BCAR3: variants seen among roughly 807,000 people sequenced by gnomAD.
BCAR3 encodes the protein breast cancer anti-estrogen resistance protein 3.
A neutral mutation model predicts 80.1 loss-of-function variants in BCAR3; 37 were observed. That is an observed-to-expected ratio of 0.46 (90% CI 0.36 to 0.61). The LOEUF (loss-of-function observed/expected upper bound fraction) is 0.61. Ranked by LOEUF, BCAR3 falls within the 20% of genes least tolerant of loss-of-function variation. BCAR3 has a pLI of 0.00. For synonymous variants in BCAR3, 389 were observed against 418.9 expected, an observed-to-expected ratio of 0.93 and a Z score of 0.87; for missense variants, 978 against 1,068.2, an observed-to-expected ratio of 0.92 and a Z score of 1.18.
rs572438610 is a variant in BCAR3 at position 93,637,987 on chromosome 1, C to T, written c.357+4317G>A. ...GTGTGGGCTGGGGCGCGGTGGCTCA[C>T]GCCTGTAATCCCAGCACTTTGGGAG... On this transcript the variant is annotated intron_variant, in intron 3 of 11. Transcript: ENST00000260502. Among the ~76,000 whole-genome samples, 85 of 152,268 alleles carry T rather than the reference C, an allele frequency of 5.6e-4. 1 individual carries two copies. The highest frequency in any genetic ancestry group is 1.9e-3 in the African/African-American group (78 of 41,554).
intron 2 of BCAR3, among the ~76,000 whole-genome samples, chr1:93,661,235 C>A (rs1382742362): frequency 3.3e-5 from 5 of 152,086 alleles, no homozygotes; most frequent in Non-Finnish European, 5.9e-5. Context: ...GACGGGGTTT[C>A]TTCATGTTGG....
chr1:93,587,530 G>A, intron 5 of BCAR3, among the ~76,000 whole-genome samples: 1 of 152,160 alleles, frequency 6.6e-6, no homozygotes, highest in Middle Eastern at 3.2e-3. Context: ...TGTGGAGCCG[G>A]CATTTGTGCC....
intron 2 of BCAR3, among the ~76,000 whole-genome samples, chr1:93,789,864 ATGATCCAT>A (rs950973031): frequency 2.0e-5 from 3 of 152,226 alleles, no homozygotes; most frequent in Non-Finnish European, 1.5e-5. Context: ...TTTAGAGGCA[ATGATCCAT>A]TGCACAGTCA....
rs1394065204 is a variant in BCAR3, at chr1:93,674,949, G to T, written c.-11-8C>A. The T allele has an allele frequency of 6.6e-7, 1 of 1,517,136 alleles. No individual in the cohort carries two copies. The highest frequency in any genetic ancestry group is 8.8e-7 in the Non-Finnish European group (1 of 1,136,190). The allele number at this position is 1,517,136 out of a possible 1,614,324, so 94.0% of individuals were successfully genotyped here. A position where few individuals can be genotyped will look rare whatever the true frequency, so the allele number is the denominator to read the frequency against. ...CAGCCATAATTCTCAACTCTAAGGG[G>T]GAAAGAAAAGAGTGAAGGTATAAAT... On this transcript the variant is annotated splice_polypyrimidine_tract_variant and splice_region_variant and intron_variant, in intron 1 of 11. Transcript: ENST00000260502.
intron 2 of BCAR3, among the ~76,000 whole-genome samples, chr1:93,797,611 C>G (rs1653323525): frequency 6.6e-6 from 1 of 151,974 alleles, no homozygotes; most frequent in Non-Finnish European, 1.5e-5. Flanking sequence ...AGTGGAAGAG[C>G]CTGGGGCCAA....
chr1:93,677,811 T>C (rs1387240668), intron 1 of BCAR3, among the ~76,000 whole-genome samples: 1 of 152,158 alleles, frequency 6.6e-6, no homozygotes, highest in South Asian at 2.1e-4. Flanking sequence ...GGTTAGATAC[T>C]GGTATGCACA....
At chr1:93,676,934 A>G (rs1648514314) in intron 1 of BCAR3, among the ~76,000 whole-genome samples, 1 of 152,272 alleles carries the variant, frequency 6.6e-6, no homozygotes, top group Admixed American at 6.5e-5. Context: ...AGATCTACTT[A>G]GACTTCAAGA....
chr1:93,796,360 G>A (rs1461524714), intron 2 of BCAR3, among the ~76,000 whole-genome samples: 1 of 143,630 alleles, frequency 7.0e-6, no homozygotes. Context: ...GTCTCGTGGT[G>A]CGCCGTTTTT....
At chr1:93,837,647 A>C (rs1048156699) in intron 2 of BCAR3, among the ~76,000 whole-genome samples, 2 of 152,218 alleles carry the variant, frequency 1.3e-5, no homozygotes, top group Non-Finnish European at 1.5e-5. Context: ...CAAGATTCCT[A>C]GCCAATCAGG....
intron 2 of BCAR3, among the ~76,000 whole-genome samples, chr1:93,831,866 G>T (rs1329710162): frequency 6.6e-6 from 1 of 152,154 alleles, no homozygotes; most frequent in East Asian, 1.9e-4. Flanking sequence ...TAAAGAGGTG[G>T]CTGGAGCTGA....
rs1049167970 is a variant in BCAR3, at chr1:93,583,316, C to T, written c.1034-363G>A. ...TAATCTTGCCCTAAGAAACAGAAGT[C>T]GTTAGCCACCTAAAATGCCACTCTC... On this transcript the variant is annotated intron_variant, in intron 6 of 11. Coordinates refer to ENST00000260502, the MANE Select transcript of BCAR3 (RefSeq NM_003567.4). Among the ~76,000 whole-genome samples the T allele has an allele frequency of 2.6e-5, 4 of 152,034 alleles. No individual in the cohort carries two copies. The East Asian group carries it at 7.7e-4, about 29-fold the overall frequency.
intron 3 of BCAR3, among the ~76,000 whole-genome samples, chr1:93,610,608 T>G (rs1674917440): frequency 6.6e-6 from 1 of 152,124 alleles, no homozygotes; most frequent in Admixed American, 6.5e-5. Flanking sequence ...ATACACAATA[T>G]CATCTTATTT....
At chr1:93,718,895 T>A (rs1160162075) in intron 2 of BCAR3, among the ~76,000 whole-genome samples, 1 of 149,968 alleles carries the variant, frequency 6.7e-6, no homozygotes, top group Non-Finnish European at 1.5e-5. Flanking sequence ...AGAGACAGGG[T>A]CTCCCTATGT....
chr1:93,813,075 C>A (rs951983681), intron 2 of BCAR3, among the ~76,000 whole-genome samples: 1 of 152,144 alleles, frequency 6.6e-6, no homozygotes, highest in Admixed American at 6.5e-5. Context: ...ATCCCTCCCC[C>A]AGATGACCCT....
chr1:93,734,209 G>A (rs79247398), intron 2 of BCAR3, among the ~76,000 whole-genome samples: 14,572 of 152,190 alleles, frequency 0.096, 810 homozygotes, highest in African/African-American at 0.14. Context: ...GTTTCAAGGC[G>A]CACATTTGTG....
chr1:93,786,219 A>AAAAAAAAAAAAAAAAAT (rs1557688155), intron 2 of BCAR3, among the ~76,000 whole-genome samples: 1 of 148,780 alleles, frequency 6.7e-6, no homozygotes, highest in Non-Finnish European at 1.5e-5. Context: ...AAAAAAAAAA[A>AAAAAAAAAAAAAAAAAT]GTGCCATGCA....
At chr1:93,663,233 T>G (rs1264176554) in intron 2 of BCAR3, among the ~76,000 whole-genome samples, 1 of 152,244 alleles carries the variant, frequency 6.6e-6, no homozygotes, top group Non-Finnish European at 1.5e-5. Context: ...ACATAACTTC[T>G]GAAAGCCCTT....
chr1:93,844,793 C>G (rs1655088988), intron 2 of BCAR3, among the ~76,000 whole-genome samples: 1 of 151,040 alleles, frequency 6.6e-6, no homozygotes, highest in Admixed American at 6.6e-5. Context: ...ACTGTAACCT[C>G]AAGCTCCTGG....
chr1:93,614,061 C>G, intron 3 of BCAR3: 1 of 1,444,182 alleles, frequency 6.9e-7, no homozygotes, highest in South Asian at 1.5e-5. Context: ...AGTCGGCAGC[C>G]GGGGGAGTGA....
Sources: gnomAD v4.1 joint callset for allele counts (sites outside exome capture counted in the v4.1 genomes callset) on GRCh38, gnomAD v4.1.1 for gene constraint, MANE v1.5 for transcripts, NCBI Gene and HGNC (gene_info 2026-07-23, HGNC 2026-07-21) for gene names.